Variants in GPC6 observed in about 807,000 individuals in gnomAD.
GPC6 encodes glypican-6.
Under a neutral mutation model 55.2 loss-of-function variants are expected in GPC6, and 14 were observed. That is an observed-to-expected ratio of 0.25 (90% CI 0.17 to 0.40). The LOEUF (loss-of-function observed/expected upper bound fraction) is 0.40. GPC6 is among the 10% of genes least tolerant of loss of function. The pLI is 1.00. For synonymous variants in GPC6, 278 were observed against 259.6 expected (o/e 1.07, Z -0.68); for missense variants, 641 against 708.5 (o/e 0.90, Z 1.08).
intron 6 of GPC6, among the ~76,000 whole-genome samples, chr13:94,364,454 G>C (rs927104796): frequency 1.3e-5 from 2 of 152,100 alleles, no homozygotes; most frequent in Non-Finnish European, 2.9e-5. Flanking sequence ...ATACAGTTTA[G>C]TCCCCCAATG....
chr13:93,347,682 G>A (rs1011037709), intron 1 of GPC6, among the ~76,000 whole-genome samples: 4 of 152,038 alleles, frequency 2.6e-5, no homozygotes, highest in African/African-American at 9.7e-5. Flanking sequence ...TCTAATCCAT[G>A]GCATTCTGCA....
chr13:93,403,776 A>AT (rs923114950), intron 1 of GPC6, among the ~76,000 whole-genome samples: 6 of 151,328 alleles, frequency 4.0e-5, no homozygotes, highest in East Asian at 1.9e-4. Flanking sequence ...AATCAAGCTA[A>AT]TTTTTTTTTC....
chr13:93,837,089 A>T (rs142554856), intron 3 of GPC6, among the ~76,000 whole-genome samples: 1 of 152,336 alleles, frequency 6.6e-6, no homozygotes, highest in African/African-American at 2.4e-5. Context: ...AAGATTGTTA[A>T]GAAGAGAGTA....
chr13:93,482,815 T>C (rs1425489196), intron 1 of GPC6, among the ~76,000 whole-genome samples: 1 of 152,222 alleles, frequency 6.6e-6, no homozygotes, highest in East Asian at 1.9e-4. Context: ...AGTACGTTTG[T>C]AATAATCAAA....
In GPC6 at chr13:93,704,097, A is replaced by G. The variant is rs150090582; in HGVS notation, c.320-126057A>G. 1.3e-3 allele frequency among the ~76,000 whole-genome samples: 196 copies of G among 152,014 alleles called. 1 individual carries two copies. Among genetic ancestry groups the G allele is most frequent in the African/African-American group, 4.5e-3 (187 of 41,486 alleles). On this transcript the variant is annotated intron_variant, in intron 2 of 8. Coordinates refer to ENST00000377047, the MANE Select transcript of GPC6 (RefSeq NM_005708.5). ...TTGCCTCTTTGAGCTCGAGCCCAAT[A>G]TTGCCCATATTTATTGTTTTCATAT...
intron 6 of GPC6, among the ~76,000 whole-genome samples, chr13:94,327,908 C>T (rs931389277): frequency 6.6e-6 from 1 of 152,100 alleles, no homozygotes; most frequent in Non-Finnish European, 1.5e-5. Flanking sequence ...GAAACAGGGC[C>T]ACATTGCACA....
intron 1 of GPC6, among the ~76,000 whole-genome samples, chr13:93,272,490 G>A (rs1877565120): frequency 1.0e-5 from 1 of 95,436 alleles, no homozygotes; most frequent in Non-Finnish European, 2.1e-5. Flanking sequence ...CATTGTCTGT[G>A]TGTATATATA....
Position 93,457,112 on chromosome 13 carries a change from A to G in GPC6, c.161-88151A>G, listed in dbSNP as rs186142153. 6.4e-4 allele frequency among the ~76,000 whole-genome samples: 98 copies of G among 152,304 alleles called. 1 individual carries two copies. Among genetic ancestry groups the G allele is most frequent in the Non-Finnish European group, 2.5e-4 (17 of 68,022 alleles). On this transcript the variant is annotated intron_variant, in intron 1 of 8. Coordinates refer to ENST00000377047, the MANE Select transcript of GPC6 (RefSeq NM_005708.5). ...TAAGTTTCCTGAGGCCTCCCCAGTC[A>G]TGTAGAACTGTGAGTCAATTAAACT...
At chr13:94,258,264 A>G (rs1294227360) in intron 4 of GPC6, among the ~76,000 whole-genome samples, 1 of 152,212 alleles carries the variant, frequency 6.6e-6, no homozygotes, top group Non-Finnish European at 1.5e-5. Context: ...TGACCACGGA[A>G]CAACTCCCCG....
At position 93,377,392 on chromosome 13, in the gene GPC6, G is replaced by T. The variant is rs142531282; in HGVS notation, c.160+149776G>T. Reference sequence around the variant, plus strand: ...TTAGTGCCAGGAAAGGGGCTAGAAGGTGGAGAGTGTCTTGCACAATCCCCT... The same window carrying T: ...TTAGTGCCAGGAAAGGGGCTAGAAGTTGGAGAGTGTCTTGCACAATCCCCT... On this transcript the variant is annotated intron_variant, in intron 1 of 8. Transcript: ENST00000377047. Among the ~76,000 whole-genome samples the T allele has an allele frequency of 3.0e-3, 452 of 152,352 alleles. 1 individual carries two copies. Among genetic ancestry groups the T allele is most frequent in the African/African-American group, 0.01 (431 of 41,576 alleles).
intron 6 of GPC6, among the ~76,000 whole-genome samples, chr13:94,377,120 C>T (rs1408389885): frequency 6.7e-6 from 1 of 150,274 alleles, no homozygotes; most frequent in African/African-American, 2.4e-5. Context: ...TAGGCATTAC[C>T]ATTCAGGACA....
At chr13:93,621,309 G>A (rs1196381824) in intron 2 of GPC6, among the ~76,000 whole-genome samples, 2 of 152,194 alleles carry the variant, frequency 1.3e-5, no homozygotes, top group Non-Finnish European at 2.9e-5. Flanking sequence ...CTTAAAGGGA[G>A]GCTGAGAGAA....
chr13:94,268,256 T>C (rs190872010), intron 4 of GPC6, among the ~76,000 whole-genome samples: 1 of 152,326 alleles, frequency 6.6e-6, no homozygotes, highest in East Asian at 1.9e-4. Flanking sequence ...AATATTTACA[T>C]GCAGCATTTA....
At chr13:93,510,063 T>A (rs1299210289) in intron 1 of GPC6, among the ~76,000 whole-genome samples, 2 of 152,188 alleles carry the variant, frequency 1.3e-5, no homozygotes, top group East Asian at 3.9e-4. Context: ...TCAGCACTCC[T>A]GAAATTAAAC....
chr13:93,653,753 G>A (rs1880531614), intron 2 of GPC6, among the ~76,000 whole-genome samples: 1 of 151,982 alleles, frequency 6.6e-6, no homozygotes, highest in Non-Finnish European at 1.5e-5. Flanking sequence ...ATTCTTTTCA[G>A]GCTTAGGAAA....
intron 1 of GPC6, among the ~76,000 whole-genome samples, chr13:93,321,185 G>A (rs1879425774): frequency 6.6e-6 from 1 of 152,086 alleles, no homozygotes; most frequent in African/African-American, 2.4e-5. Context: ...ATTGCATCAC[G>A]TTAGTTTGCT....
chr13:93,446,995 G>C (rs1033215631), intron 1 of GPC6, among the ~76,000 whole-genome samples: 4 of 152,040 alleles, frequency 2.6e-5, no homozygotes, highest in Non-Finnish European at 4.4e-5. Flanking sequence ...TGCTGTGTCA[G>C]GTTCTCTGGT....
intron 4 of GPC6, among the ~76,000 whole-genome samples, chr13:94,151,973 C>T (rs1226556185): frequency 1.3e-5 from 2 of 151,940 alleles, no homozygotes; most frequent in Admixed American, 6.6e-5. Context: ...TTTATTGACC[C>T]GCTTTTCCTC....
At chr13:93,472,302 T>C (rs1879147974) in intron 1 of GPC6, among the ~76,000 whole-genome samples, 1 of 152,218 alleles carries the variant, frequency 6.6e-6, no homozygotes, top group African/African-American at 2.4e-5. Context: ...GCCCATTCCA[T>C]CCTCTTGGCC....
Sources: gnomAD v4.1 joint callset for allele counts (sites outside exome capture counted in the v4.1 genomes callset) on GRCh38, gnomAD v4.1.1 for gene constraint, MANE v1.5 for transcripts, NCBI Gene and HGNC (gene_info 2026-07-23, HGNC 2026-07-21) for gene names.